The following GABRG3 variants were observed in gnomAD, a reference collection of about 807,000 sequenced individuals.
GABRG3 encodes the protein gamma-aminobutyric acid type A receptor subunit gamma3, also known as gamma-aminobutyric acid receptor subunit gamma-3.
A neutral mutation model predicts 48.8 loss-of-function variants in GABRG3; 25 were observed. The ratio of observed to expected loss-of-function variants is 0.51; its 90% confidence interval spans 0.37 to 0.72. The LOEUF (loss-of-function observed/expected upper bound fraction) is 0.72, where lower values mean the gene tolerates loss of function less well. Ranked by LOEUF, GABRG3 falls within the 30% of genes least tolerant of loss-of-function variation. GABRG3 has a pLI of 0.00. For synonymous variants in GABRG3, 227 were observed against 217.6 expected, an observed-to-expected ratio of 1.04 and a Z score of -0.38; for missense variants, 394 against 577.9, an observed-to-expected ratio of 0.68 and a Z score of 3.26.
At chr15:27,314,172 CA>C (rs1349114992) in intron 3 of GABRG3, among the ~76,000 whole-genome samples, 10 of 152,078 alleles carry the variant, frequency 6.6e-5, no homozygotes. Flanking sequence ...AAATGATCAA[CA>C]GAGTGAAAAG....
chr15:27,249,987 T>TG (rs1160471519), intron 3 of GABRG3, among the ~76,000 whole-genome samples: 2 of 152,046 alleles, frequency 1.3e-5, no homozygotes, highest in African/African-American at 2.4e-5. Flanking sequence ...GTCTATGGGG[T>TG]GGGGCTGAGT....
rs181724837 is a variant in GABRG3, at chr15:27,350,637, C to A, written c.574+21749C>A. 1.2e-4 allele frequency among the ~76,000 whole-genome samples: 18 copies of A among 152,238 alleles called. No homozygotes were observed. In the South Asian group the frequency reaches 3.5e-3, roughly 30 times the overall value. The stretch of plus-strand genomic sequence containing the variant: ...GTCTGGAGGGAGTCCAGCGCATCAA[C>A]ACCACCAGGGCCAGCGCTGGAGGAT... On this transcript the variant is annotated intron_variant, in intron 5 of 9. Transcript: ENST00000615808.
At chr15:27,360,352 G>A (rs943010713) in intron 5 of GABRG3, among the ~76,000 whole-genome samples, 1 of 152,180 alleles carries the variant, frequency 6.6e-6, no homozygotes, top group African/African-American at 2.4e-5. Context: ...ACCCCGGCCT[G>A]TGTTGGAGAT....
chr15:27,203,228 A>C (rs778222930), intron 3 of GABRG3, among the ~76,000 whole-genome samples: 3 of 152,082 alleles, frequency 2.0e-5, no homozygotes, highest in Non-Finnish European at 4.4e-5. Context: ...CCCAGTGTAT[A>C]TTGTACCCTT....
In GABRG3 at chr15:27,537,793, CTTTCTT is replaced by C. The variant is rs1474392876; in HGVS notation, c.*4914_*4919del. The C allele has an allele frequency of 6.6e-6, 1 of 150,664 alleles. No individual in the cohort carries two copies. Among genetic ancestry groups the C allele is most frequent in the Non-Finnish European group, 1.5e-5 (1 of 67,710 alleles). 9.3% of individuals were successfully genotyped at this position (150,664 alleles called of 1,614,324 possible). ...AGTTGTATTAAGGCCAAAAGGCAGACTTTCTTTATATTTATTTTTATTATTTATTTA... is the reference window on the plus strand; with the variant it reads ...AGTTGTATTAAGGCCAAAAGGCAGACTATATTTATTTTTATTATTTATTTA... On this transcript the variant is annotated 3_prime_UTR_variant, in exon 10 of 10. Transcript: ENST00000615808.
At chr15:26,973,774 C>T (rs1309700572) in intron 1 of GABRG3, among the ~76,000 whole-genome samples, 8 of 152,288 alleles carry the variant, frequency 5.3e-5, no homozygotes, top group Admixed American at 1.3e-4. Flanking sequence ...TCTGTCCTTC[C>T]GCTTTAAGCT....
Position 27,532,747 on chromosome 15 carries a change from T to G in GABRG3, c.1270T>G (p.Cys424Gly), listed in dbSNP as rs1334645039. The change falls in exon 10 of 10, where the codon TGT (cysteine) becomes GGT (glycine). Residue 424 changes from cysteine to glycine, a missense_variant. Around this residue, in one of 3 missense-constraint regions of GABRG3, gnomAD observed 126 missense variants for 155.5 expected, o/e 0.81. Coordinates refer to ENST00000615808, the MANE Select transcript of GABRG3 (RefSeq NM_033223.5). ...GAGCTTCTTCTGCTGCTATGAAGAA[T>G]GTAAATCAGGATCCTGGAGGAAAGG... ...CQSFFCCYEE[C>G]KSGSWRKGRI... The G allele has an allele frequency of 6.2e-7, 1 of 1,613,882 alleles. No individual in the cohort carries two copies. Among genetic ancestry groups the G allele is most frequent in the Non-Finnish European group, 8.5e-7 (1 of 1,179,898 alleles).
At chr15:27,513,449 C>CAAA (rs368762091) in intron 6 of GABRG3, among the ~76,000 whole-genome samples, 27 of 133,612 alleles carry the variant, frequency 2.0e-4, no homozygotes, top group African/African-American at 7.3e-4. Context: ...GACTCCGTCT[C>CAAA]AAAAAAAAAG....
intron 5 of GABRG3, among the ~76,000 whole-genome samples, chr15:27,474,171 A>C (rs1232196966): frequency 6.6e-6 from 1 of 152,180 alleles, no homozygotes; most frequent in Non-Finnish European, 1.5e-5. Context: ...CATTTTCCTA[A>C]ACACAGGCAT....
At chr15:27,466,888 G>T (rs1410871005) in intron 5 of GABRG3, among the ~76,000 whole-genome samples, 7 of 152,192 alleles carry the variant, frequency 4.6e-5, no homozygotes, top group Non-Finnish European at 7.3e-5. Context: ...AAAGGGAAAA[G>T]AACTTTTTAA....
At chr15:27,498,322 AC>A (rs1352095780) in intron 6 of GABRG3, among the ~76,000 whole-genome samples, 1 of 142,052 alleles carries the variant, frequency 7.0e-6, no homozygotes, top group African/African-American at 2.6e-5. Flanking sequence ...AAGGCTGGGA[AC>A]TCTCCTCTCT....
chr15:27,201,322 G>A (rs1251974549), intron 3 of GABRG3, among the ~76,000 whole-genome samples: 4 of 151,142 alleles, frequency 2.6e-5, no homozygotes, highest in Non-Finnish European at 4.4e-5. Flanking sequence ...CTCAACACCC[G>A]ATGCCAGTGG....
chr15:27,228,990 A>G (rs1050189327), intron 3 of GABRG3, among the ~76,000 whole-genome samples: 5 of 152,182 alleles, frequency 3.3e-5, no homozygotes, highest in Non-Finnish European at 5.9e-5. Flanking sequence ...ATAGTTTGCA[A>G]ATATTTTATT....
chr15:27,202,145 G>A (rs974865662), intron 3 of GABRG3, among the ~76,000 whole-genome samples: 1 of 152,100 alleles, frequency 6.6e-6, no homozygotes, highest in Non-Finnish European at 1.5e-5. Context: ...GTGACCCAAT[G>A]CATACCCTTT....
chr15:26,975,355 C>A lies in GABRG3; in HGVS notation c.54-1647C>A, dbSNP rs1383086472. Among the ~76,000 whole-genome samples, 2 of 152,118 alleles carry A rather than the reference C, an allele frequency of 1.3e-5. No homozygotes were observed. Among genetic ancestry groups the A allele is most frequent in the East Asian group, 3.8e-4 (2 of 5,200 alleles). On this transcript the variant is annotated intron_variant, in intron 1 of 9. Transcript: ENST00000615808. The surrounding 1 kb of genome is among the most constrained non-coding windows in gnomAD (Gnocchi z 4.6). ...AAAAATCAACAGCAATTTATAGTTT[C>A]TATGGATGATTCAATTTAACCTTCT...
chr15:27,258,977 C>T (rs1179422111), intron 3 of GABRG3, among the ~76,000 whole-genome samples: 1 of 151,918 alleles, frequency 6.6e-6, no homozygotes, highest in Admixed American at 6.6e-5. Context: ...CTTTTAGCCT[C>T]CACATTTACA....
chr15:27,130,377 C>T (rs965664045), intron 3 of GABRG3, among the ~76,000 whole-genome samples: 10 of 152,072 alleles, frequency 6.6e-5, no homozygotes, highest in Admixed American at 6.5e-4. Context: ...GGCTTTATTT[C>T]TGGGCTCTTT....
intron 3 of GABRG3, among the ~76,000 whole-genome samples, chr15:27,195,086 A>G (rs1888451547): frequency 6.6e-6 from 1 of 152,162 alleles, no homozygotes; most frequent in Admixed American, 6.5e-5. Context: ...TTGTGTTTTC[A>G]TTTAGTTATT....
chr15:27,125,853 C>T (rs1897810913), intron 3 of GABRG3, among the ~76,000 whole-genome samples: 2 of 152,244 alleles, frequency 1.3e-5, no homozygotes, highest in South Asian at 2.1e-4. Context: ...CTCAAGTCTG[C>T]TTGGGACTAT....
Sources: gnomAD v4.1 joint callset for allele counts (sites outside exome capture counted in the v4.1 genomes callset) on GRCh38, gnomAD v4.1.1 for gene constraint, gnomAD v4.1.1 regional missense constraint, Gnocchi (gnomAD v3.1) non-coding constraint, MANE v1.5 for transcripts, NCBI Gene and HGNC (gene_info 2026-07-23, HGNC 2026-07-21) for gene names.